The following CCDC126 variants were observed in gnomAD, a reference collection of about 807,000 sequenced individuals.
CCDC126 encodes coiled-coil domain-containing protein 126.
Under a neutral mutation model 11.7 loss-of-function variants are expected in CCDC126, and 5 were observed. The ratio of observed to expected loss-of-function variants is 0.43; its 90% CI spans 0.22 to 0.90. CCDC126 has a LOEUF of 0.90. Ranked by LOEUF, CCDC126 falls within the 40% of genes least tolerant of loss-of-function variation. The pLI is 0.27. For missense variants in CCDC126, 150 were observed against 163.1 expected, an observed-to-expected ratio of 0.92 and a Z score of 0.44; for synonymous variants, 60 against 61.9, an observed-to-expected ratio of 0.97 and a Z score of 0.14.
intron 3 of CCDC126, among the ~76,000 whole-genome samples, chr7:23,615,187 G>A (rs1258968734): frequency 1.3e-5 from 2 of 152,214 alleles, no homozygotes; most frequent in Non-Finnish European, 2.9e-5. Context: ...ATAACTTGCT[G>A]CAGGTTCTCC....
At chr7:23,610,871 A>G (rs1782700082) in intron 2 of CCDC126, among the ~76,000 whole-genome samples, 1 of 152,034 alleles carries the variant, frequency 6.6e-6, no homozygotes, top group Non-Finnish European at 1.5e-5. Context: ...GATCTCCTAT[A>G]TATCTCATTA....
At chr7:23,605,124 G>A (rs1782602314) in intron 2 of CCDC126, among the ~76,000 whole-genome samples, 1 of 152,120 alleles carries the variant, frequency 6.6e-6, no homozygotes, top group Non-Finnish European at 1.5e-5. Context: ...AGGATGAAAA[G>A]GAACAGGTTG....
intron 3 of CCDC126, among the ~76,000 whole-genome samples, chr7:23,640,182 CA>C (rs1040410523): frequency 1.4e-5 from 2 of 144,962 alleles, no homozygotes; most frequent in African/African-American, 5.1e-5. Context: ...GACTCCGTCT[CA>C]AAAAAAATAA....
intron 3 of CCDC126, among the ~76,000 whole-genome samples, chr7:23,614,284 C>A (rs1002592357): frequency 5.3e-5 from 8 of 152,210 alleles, no homozygotes; most frequent in Non-Finnish European, 1.2e-4. Flanking sequence ...AACATCTTCA[C>A]CAGTAGATTC....
At chr7:23,632,090 T>TG (rs988009874) in intron 3 of CCDC126, among the ~76,000 whole-genome samples, 4 of 148,722 alleles carry the variant, frequency 2.7e-5, no homozygotes, top group African/African-American at 7.4e-5. Context: ...AAACACCAAG[T>TG]GGGTTTTTTT....
chr7:23,622,813 C>A, intron 3 of CCDC126: 1 of 441,694 alleles, frequency 2.3e-6, no homozygotes, highest in South Asian at 1.8e-5. Flanking sequence ...GATTACAGAG[C>A]CCCTCCATTC....
intron 3 of CCDC126, among the ~76,000 whole-genome samples, chr7:23,626,651 C>T (rs1487893441): frequency 1.3e-5 from 2 of 152,078 alleles, no homozygotes; most frequent in Non-Finnish European, 2.9e-5. Context: ...GCTCCTCTCC[C>T]TCCTCCCACC....
At chr7:23,603,756 G>A (rs1035134984) in intron 2 of CCDC126, among the ~76,000 whole-genome samples, 10 of 152,160 alleles carry the variant, frequency 6.6e-5, no homozygotes, top group Non-Finnish European at 1.3e-4. Context: ...ACATTGCTGC[G>A]TGGGAGAAGG....
intron 2 of CCDC126, among the ~76,000 whole-genome samples, chr7:23,598,790 G>A (rs780081301): frequency 6.6e-6 from 1 of 152,246 alleles, no homozygotes. Flanking sequence ...AGGACAGAGA[G>A]TAATGGCTAC....
intron 3 of CCDC126, among the ~76,000 whole-genome samples, chr7:23,637,026 AG>A (rs1343319681): frequency 5.4e-5 from 2 of 37,336 alleles, no homozygotes; most frequent in Non-Finnish European, 1.1e-4. Context: ...GGGAAGGGGG[AG>A]GGGGGGTCAG....
At chr7:23,610,726 T>C (rs1269841085) in intron 2 of CCDC126, among the ~76,000 whole-genome samples, 1 of 152,222 alleles carries the variant, frequency 6.6e-6, no homozygotes, top group Non-Finnish European at 1.5e-5. Flanking sequence ...GGAATTCTTT[T>C]TAGACAGGCA....
chr7:23,628,737 A>G (rs1399378946), intron 3 of CCDC126, among the ~76,000 whole-genome samples: 2 of 152,172 alleles, frequency 1.3e-5, no homozygotes, highest in African/African-American at 4.8e-5. Flanking sequence ...ACATGGCAGT[A>G]ACGAACTGTT....
At chr7:23,616,787 G>T (rs990106981) in intron 3 of CCDC126, among the ~76,000 whole-genome samples, 1 of 151,990 alleles carries the variant, frequency 6.6e-6, no homozygotes, top group Non-Finnish European at 1.5e-5. Context: ...TACATGTGTT[G>T]GGCCCTCAGT....
chr7:23,622,049 T>G lies in CCDC126; in HGVS notation c.238+10496T>G, dbSNP rs1042270648. ...ATATTGGTCTAAAATTCTCTTTTTT[T>G]GTTGTGTCTCTGCCAGGCTTTGGTA... On this transcript the variant is annotated intron_variant, in intron 3 of 3. Transcript: ENST00000307471. 2.6e-5 allele frequency among the ~76,000 whole-genome samples: 4 copies of G among 152,286 alleles called. No homozygotes were observed. The South Asian group carries it at 6.2e-4, about 24-fold the overall frequency.
chr7:23,620,283 G>T (rs765952205), intron 3 of CCDC126, among the ~76,000 whole-genome samples: 124 of 136,366 alleles, frequency 9.1e-4, no homozygotes, highest in East Asian at 2.5e-3. Flanking sequence ...TCTAACTGGC[G>T]TGAGATGGTA....
intron 2 of CCDC126, 52 bp from the exon 3 acceptor site, chr7:23,611,119 C>T (rs1444182979): frequency 4.2e-6 from 2 of 476,016 alleles, no homozygotes; most frequent in African/African-American, 3.9e-5. Context: ...GTCGTCTGTT[C>T]TGTTACTGAT....
rs532824105 is a variant in CCDC126 at position 23,629,501 on chromosome 7, T to G, written c.239-13430T>G. Among the ~76,000 whole-genome samples the G allele has an allele frequency of 1.2e-3, 184 of 152,228 alleles. 1 individual carries two copies. The highest frequency in any genetic ancestry group is 4.4e-3 in the African/African-American group (181 of 41,516). On this transcript the variant is annotated intron_variant, in intron 3 of 3. Transcript: ENST00000307471. ...TGAATAGGCTAAGACAATGATATAT[T>G]AGAATTATCTGAAAAAGATTTTAAA...
intron 3 of CCDC126, among the ~76,000 whole-genome samples, chr7:23,620,157 A>C (rs1356227773): frequency 3.3e-5 from 5 of 152,220 alleles, no homozygotes; most frequent in Non-Finnish European, 7.3e-5. Context: ...GAATCGCCAC[A>C]CTGCCTTCCA....
At chr7:23,622,491 C>T (rs1782931139) in intron 3 of CCDC126, 2 of 445,664 alleles carry the variant, frequency 4.5e-6, no homozygotes, top group Admixed American at 5.4e-5. Flanking sequence ...ATCAACTTTT[C>T]CTTAAAAGCG....
Sources: allele counts gnomAD v4.1 joint callset (sites outside exome capture counted in the v4.1 genomes callset), GRCh38; gene constraint gnomAD v4.1.1; transcripts MANE v1.5; gene names NCBI Gene and HGNC (gene_info 2026-07-23, HGNC 2026-07-21).